Variants in VPS8 observed in about 807,000 individuals in gnomAD.
VPS8 encodes the protein vacuolar protein sorting-associated protein 8 homolog.
VPS8 carries 129 observed loss-of-function variants against 216.4 expected under a neutral mutation model. The ratio of observed to expected loss-of-function variants is 0.60; its 90% confidence interval spans 0.52 to 0.69. The LOEUF is 0.69. Ranked by LOEUF, VPS8 falls within the 30% of genes least tolerant of loss-of-function variation. The pLI, the probability that VPS8 is intolerant of heterozygous loss-of-function variation, is 0.00. For synonymous variants in VPS8, 571 were observed against 565.4 expected (o/e 1.01, Z -0.14); for missense variants, 1,531 against 1,683.5 (o/e 0.91, Z 1.59).
At chr3:184,892,897 G>T (rs935919916) in intron 22 of VPS8, among the ~76,000 whole-genome samples, 9 of 152,080 alleles carry the variant, frequency 5.9e-5, no homozygotes, top group Admixed American at 3.3e-4. Context: ...CAGAGTACAA[G>T]GGCTTCCAAA....
At chr3:185,038,116 G>A (rs1349908694) in intron 46 of VPS8, among the ~76,000 whole-genome samples, 1 of 152,170 alleles carries the variant, frequency 6.6e-6, no homozygotes. Context: ...CCCAGGGCTT[G>A]TTATTGGTGA....
chr3:184,841,401 A>G (rs960951678), intron 7 of VPS8, among the ~76,000 whole-genome samples: 2 of 152,136 alleles, frequency 1.3e-5, no homozygotes, highest in Non-Finnish European at 2.9e-5. Flanking sequence ...TTTTGTCTGT[A>G]ACATCATTTT....
chr3:184,921,103 A>T (rs1277295156), intron 29 of VPS8, among the ~76,000 whole-genome samples: 3 of 152,090 alleles, frequency 2.0e-5, no homozygotes, highest in African/African-American at 7.2e-5. Flanking sequence ...TCCTCCTTTA[A>T]TTTGTGACCT....
At chr3:184,928,276 ATGATCAAGTT>A (rs1476987377) in intron 31 of VPS8, among the ~76,000 whole-genome samples, 165 bp from the exon 32 acceptor site, 21 of 152,240 alleles carry the variant, frequency 1.4e-4, no homozygotes, top group African/African-American at 4.8e-4. Flanking sequence ...TAAATGCAGT[ATGATCAAGTT>A]TATAATGTCA....
chr3:185,037,065 C>CTT (rs147431217), intron 46 of VPS8, among the ~76,000 whole-genome samples: 49 of 143,286 alleles, frequency 3.4e-4, no homozygotes, highest in African/African-American at 6.5e-4. Context: ...TTTGCAGTTC[C>CTT]TTTTTTTTTT....
Position 184,855,738 on chromosome 3 carries a change from G to T in VPS8, c.1063G>T (p.Ala355Ser). 1.9e-6 allele frequency: 3 copies of T among 1,613,382 alleles called. No individual in the cohort carries two copies. Among genetic ancestry groups the T allele is most frequent in the Non-Finnish European group, 1.7e-6 (2 of 1,179,706 alleles). The change falls in exon 14 of 48, where the codon GCC becomes TCC. Residue 355 changes from alanine (A) to serine (S), a missense_variant. Coordinates refer to ENST00000625842, the MANE Select transcript of VPS8 (RefSeq NM_001009921.3). ...GGATCCTTCCAGTGTGCCACTGCTG[G>T]CCTGGCACTTTGTAGCAGTACAAAA... is the stretch of plus-strand genomic sequence containing the variant. Reference protein sequence around the residue: ...RMDPSSVPLLAWHFVAVQNYV... With the variant: ...RMDPSSVPLLSWHFVAVQNYV...
chr3:184,995,233 G>T (rs1372490976), intron 43 of VPS8, among the ~76,000 whole-genome samples: 2 of 152,170 alleles, frequency 1.3e-5, no homozygotes, highest in Non-Finnish European at 2.9e-5. Context: ...AACCCATGAA[G>T]CCACCTAGGA....
At chr3:184,869,401 T>C (rs1376463322) in intron 19 of VPS8, 81 bp from the exon 20 acceptor site, 1 of 1,417,548 alleles carries the variant, frequency 7.1e-7, no homozygotes, top group East Asian at 2.3e-5. Flanking sequence ...TCACATCTTA[T>C]AAATATGAAA....
intron 31 of VPS8, 43 bp from the exon 32 acceptor site, chr3:184,928,408 G>A (rs755126678): frequency 2.7e-6 from 4 of 1,485,466 alleles, no homozygotes; most frequent in Non-Finnish European, 3.6e-6. Context: ...TAAAGAGCTA[G>A]TAAATTCTCA....
chr3:184,869,079 G>C (rs778995141), intron 19 of VPS8, 43 bp downstream of exon 19: 2 of 1,549,886 alleles, frequency 1.3e-6, no homozygotes, highest in South Asian at 1.2e-5. Flanking sequence ...GGTTCTCCTG[G>C]AGTAGAGGGA....
At chr3:184,977,015 C>T (rs971715534) in intron 40 of VPS8, among the ~76,000 whole-genome samples, 14 of 152,062 alleles carry the variant, frequency 9.2e-5, no homozygotes, top group Non-Finnish European at 1.5e-5. Flanking sequence ...GTTCAACTCT[C>T]GGTTCTTTTG....
At chr3:184,945,171 C>A (rs113148054) in intron 36 of VPS8, among the ~76,000 whole-genome samples, 7,339 of 150,746 alleles carry the variant, frequency 0.049, 217 homozygotes, top group Middle Eastern at 0.1. Context: ...CTCTCTCTCT[C>A]TCTATATATA....
At chr3:184,814,370 G>A (rs573537220) in intron 1 of VPS8, among the ~76,000 whole-genome samples, 1 of 152,268 alleles carries the variant, frequency 6.6e-6, no homozygotes, top group East Asian at 1.9e-4. Flanking sequence ...TACAGTCATG[G>A]GACAGTTAGG....
chr3:184,921,152 T>C (rs1033833645), intron 29 of VPS8, among the ~76,000 whole-genome samples: 2 of 152,224 alleles, frequency 1.3e-5, no homozygotes, highest in Non-Finnish European at 2.9e-5. Context: ...TGGCTTCCTA[T>C]TGGTCATTTG....
intron 45 of VPS8, among the ~76,000 whole-genome samples, chr3:185,021,356 A>C (rs57470101): frequency 0.017 from 2,592 of 152,280 alleles, 78 homozygotes; most frequent in African/African-American, 0.06. Context: ...GACCACTTCC[A>C]TTGCCACTTC....
intron 39 of VPS8, among the ~76,000 whole-genome samples, chr3:184,969,539 C>T (rs1400836405): frequency 6.7e-6 from 1 of 149,894 alleles, no homozygotes; most frequent in African/African-American, 2.5e-5. Context: ...AAGCGATCCT[C>T]CTGCCTCAGC....
intron 26 of VPS8, 67 bp from the exon 27 acceptor site, chr3:184,914,914 T>C: frequency 6.9e-7 from 1 of 1,444,298 alleles, no homozygotes; most frequent in Admixed American, 1.7e-5. Flanking sequence ...TGAGAAACAA[T>C]GTGTTACTCG....
intron 36 of VPS8, among the ~76,000 whole-genome samples, chr3:184,951,451 C>T (rs1033313591): frequency 6.7e-6 from 1 of 149,554 alleles, no homozygotes; most frequent in African/African-American, 2.5e-5. Flanking sequence ...CAGCACTTCA[C>T]TCCAGCCAGG....
chr3:184,839,634 A>C, intron 6 of VPS8, 64 bp from the exon 7 acceptor site: 1 of 1,500,070 alleles, frequency 6.7e-7, no homozygotes, highest in Non-Finnish European at 9.0e-7. Flanking sequence ...AACAAATTCA[A>C]CTCTGATTAT....
Sources: allele counts gnomAD v4.1 joint callset (sites outside exome capture counted in the v4.1 genomes callset), GRCh38; gene constraint gnomAD v4.1.1; transcripts MANE v1.5; gene names NCBI Gene and HGNC (gene_info 2026-07-23, HGNC 2026-07-21).